GABRG3: variants seen among roughly 807,000 people sequenced by gnomAD.
GABRG3 encodes gamma-aminobutyric acid receptor subunit gamma-3.
Under a neutral mutation model 48.8 loss-of-function variants are expected in GABRG3, and 25 were observed. The ratio of observed to expected loss-of-function variants is 0.51; its 90% CI spans 0.37 to 0.72. The LOEUF is 0.72. Among genes scored for constraint, GABRG3 ranks in the 30% least tolerant of loss-of-function variants. GABRG3 has a pLI of 0.00. For missense variants in GABRG3, 394 were observed against 577.9 expected (o/e 0.68, Z 3.26); for synonymous variants, 227 against 217.6 (o/e 1.04, Z -0.38).
intron 3 of GABRG3, among the ~76,000 whole-genome samples, chr15:27,223,384 G>A (rs1304814701): frequency 2.0e-5 from 3 of 152,172 alleles, no homozygotes; most frequent in Non-Finnish European, 4.4e-5. Context: ...AATCTGATGA[G>A]TTTCAGTTCT....
intron 5 of GABRG3, among the ~76,000 whole-genome samples, chr15:27,399,119 A>G (rs1032714819): frequency 3.9e-5 from 6 of 152,250 alleles, no homozygotes; most frequent in African/African-American, 9.6e-5. Context: ...AAAAGCTAAA[A>G]CAATGGCATA....
chr15:27,480,798 A>G lies in GABRG3; in HGVS notation c.712+11A>G, dbSNP rs373457978. ...TGACAACGTCTGCAGGTAGGAATTT[A>G]CTGAAAGAGGCACAGCTCTCAAAAG... is the stretch of plus-strand genomic sequence containing the variant. On this transcript the variant is annotated intron_variant, in intron 6 of 9. Coordinates refer to ENST00000615808, the MANE Select transcript of GABRG3 (RefSeq NM_033223.5). 220 of 1,613,332 alleles carry G rather than the reference A, an allele frequency of 1.4e-4. No individual in the cohort carries two copies. The Middle Eastern group carries it at 1.6e-3, about 12-fold the overall frequency.
intron 3 of GABRG3, among the ~76,000 whole-genome samples, chr15:27,272,692 G>A (rs1322987582): frequency 6.6e-6 from 1 of 152,182 alleles, no homozygotes; most frequent in Non-Finnish European, 1.5e-5. Context: ...TGGTGGGGGT[G>A]TGCTTTGCTC....
At chr15:27,271,043 T>A (rs1295732011) in intron 3 of GABRG3, among the ~76,000 whole-genome samples, 1 of 152,136 alleles carries the variant, frequency 6.6e-6, no homozygotes, top group Non-Finnish European at 1.5e-5. Context: ...GGATTGTTAT[T>A]TGTTGTGATT....
chr15:27,490,937 C>T (rs1368241080), intron 6 of GABRG3, among the ~76,000 whole-genome samples: 2 of 135,648 alleles, frequency 1.5e-5, no homozygotes, highest in Non-Finnish European at 3.1e-5. Flanking sequence ...ATTTCTGTGG[C>T]CATTGAAGAT....
intron 2 of GABRG3, among the ~76,000 whole-genome samples, chr15:26,989,984 C>T (rs986720635): frequency 2.6e-5 from 4 of 152,216 alleles, no homozygotes; most frequent in South Asian, 4.1e-4. Flanking sequence ...AATAGTATTA[C>T]ATTATGTATA....
intron 3 of GABRG3, among the ~76,000 whole-genome samples, chr15:27,253,958 T>A (rs796527034): frequency 9.2e-5 from 14 of 152,338 alleles, no homozygotes; most frequent in African/African-American, 3.1e-4. Context: ...TCCTCAGAGG[T>A]TATGTCGCTT....
chr15:27,298,731 G>C (rs1892089036), intron 3 of GABRG3, among the ~76,000 whole-genome samples: 1 of 151,588 alleles, frequency 6.6e-6, no homozygotes, highest in Admixed American at 6.6e-5. Context: ...TACATCTGCA[G>C]AATGTGCAGG....
chr15:27,396,196 A>G lies in GABRG3; in HGVS notation c.574+67308A>G, dbSNP rs572161279. 2.2e-3 allele frequency among the ~76,000 whole-genome samples: 339 copies of G among 152,304 alleles called. 1 individual carries two copies. Among genetic ancestry groups the G allele is most frequent in the Non-Finnish European group, 3.5e-3 (241 of 68,026 alleles). On this transcript the variant is annotated intron_variant, in intron 5 of 9. Transcript: ENST00000615808. ...ACTAAAGTCTTTTGCTCTGCCATAG[A>G]TACTGTTAAGAGATTATGAAGACAA...
chr15:27,519,375 G>C (rs1480040867), intron 6 of GABRG3, among the ~76,000 whole-genome samples: 2 of 152,136 alleles, frequency 1.3e-5, no homozygotes, highest in African/African-American at 4.8e-5. Context: ...GAAGAGAGTG[G>C]AATGTCAGGA....
In GABRG3 at chr15:27,073,077, G is replaced by C. The variant is rs1002703933; in HGVS notation, c.270+46256G>C. 5.3e-5 allele frequency among the ~76,000 whole-genome samples: 8 copies of C among 152,366 alleles called. No individual in the cohort carries two copies. The South Asian group carries it at 1.4e-3, about 28-fold the overall frequency. On this transcript the variant is annotated intron_variant, in intron 3 of 9. Coordinates refer to ENST00000615808, the MANE Select transcript of GABRG3 (RefSeq NM_033223.5). ...GTCCCGGATACCTGAGCAGTCTGTT[G>C]AGTGTGGGGTGACTTGATGTGTCCA...
At chr15:27,423,242 T>TAAAA (rs58007397) in intron 5 of GABRG3, among the ~76,000 whole-genome samples, 13 of 74,734 alleles carry the variant, frequency 1.7e-4, no homozygotes, top group African/African-American at 2.8e-4. Flanking sequence ...GTCATTATGA[T>TAAAA]AAAAAAAAAA....
chr15:27,309,640 A>G (rs1485765360), intron 3 of GABRG3, among the ~76,000 whole-genome samples: 1 of 152,076 alleles, frequency 6.6e-6, no homozygotes, highest in Admixed American at 6.6e-5. Context: ...ACCTATTTTA[A>G]CTTCAATAAA....
chr15:27,273,096 T>C (rs1051388258), intron 3 of GABRG3, among the ~76,000 whole-genome samples: 55 of 152,030 alleles, frequency 3.6e-4, no homozygotes, highest in African/African-American at 1.2e-3. Flanking sequence ...ACTCTTATTC[T>C]ACAATGATAA....
intron 5 of GABRG3, among the ~76,000 whole-genome samples, chr15:27,375,129 G>T (rs1595712678): frequency 6.6e-6 from 1 of 152,180 alleles, no homozygotes; most frequent in Non-Finnish European, 1.5e-5. Context: ...TGGGCCTGCA[G>T]AGTAGACAAT....
At chr15:27,097,411 A>G (rs1327516315) in intron 3 of GABRG3, among the ~76,000 whole-genome samples, 1 of 151,822 alleles carries the variant, frequency 6.6e-6, no homozygotes. Context: ...CTCATTCACA[A>G]CTTTTCCTGA....
At chr15:27,093,432 T>C (rs1217748053) in intron 3 of GABRG3, among the ~76,000 whole-genome samples, 2 of 152,102 alleles carry the variant, frequency 1.3e-5, no homozygotes, top group Non-Finnish European at 2.9e-5. Flanking sequence ...TCAGCTGTCA[T>C]GACATCGTAA....
intron 3 of GABRG3, among the ~76,000 whole-genome samples, chr15:27,193,675 G>T (rs1345360261): frequency 1.3e-5 from 2 of 152,222 alleles, no homozygotes; most frequent in Non-Finnish European, 2.9e-5. Context: ...CACTTCCCGA[G>T]TGAGGCAATG....
At chr15:27,532,511 A>C in intron 9 of GABRG3, 89 bp from the exon 10 acceptor site, 1 of 1,254,538 alleles carries the variant, frequency 8.0e-7, no homozygotes, top group Admixed American at 2.2e-5. Context: ...TATAGGAGAC[A>C]GATGTAATAT....
Sources: gnomAD v4.1 joint callset for allele counts (sites outside exome capture counted in the v4.1 genomes callset) on GRCh38, gnomAD v4.1.1 for gene constraint, MANE v1.5 for transcripts, NCBI Gene and HGNC (gene_info 2026-07-23, HGNC 2026-07-21) for gene names.